The following GCFC2 variants were observed in gnomAD, a reference collection of about 807,000 sequenced individuals.
GCFC2 encodes GC-rich sequence DNA-binding factor 2.
Under a neutral mutation model 99.4 loss-of-function variants are expected in GCFC2, and 102 were observed. The ratio of observed to expected loss-of-function variants is 1.03; its 90% CI spans 0.87 to 1.21. The LOEUF is 1.21. GCFC2 is among the 50% of genes most tolerant of loss of function. GCFC2 has a pLI of 0.00. For missense variants in GCFC2, 973 were observed against 920.9 expected (o/e 1.06, Z -0.73); for synonymous variants, 338 against 316.8 (o/e 1.07, Z -0.71).
chr2:75,689,349 A>G (rs974137087), intron 9 of GCFC2, 124 bp from the exon 10 acceptor site: 1 of 559,084 alleles, frequency 1.8e-6, no homozygotes, highest in Non-Finnish European at 3.1e-6. Context: ...TATTAATATA[A>G]ATTTTTATTA....
At chr2:75,706,752 T>A in intron 1 of GCFC2, 101 bp from the exon 2 acceptor site, 1 of 692,418 alleles carries the variant, frequency 1.4e-6, no homozygotes, top group Non-Finnish European at 2.3e-6. Flanking sequence ...TACGGTGTTT[T>A]AATCCTAGTC....
chr2:75,683,149 C>A (rs1187663742), intron 11 of GCFC2, among the ~76,000 whole-genome samples: 1 of 151,748 alleles, frequency 6.6e-6, no homozygotes, highest in Non-Finnish European at 1.5e-5. Context: ...TTGTCAGATT[C>A]ACCAAGGTTG....
At chr2:75,680,083 C>T (rs1266861064) in intron 12 of GCFC2, 110 bp downstream of exon 12, 7 of 713,192 alleles carry the variant, frequency 9.8e-6, no homozygotes, top group South Asian at 8.1e-5. Context: ...TGTTTTCCCC[C>T]AAACAGTTTT....
At position 75,685,564 on chromosome 2, in the gene GCFC2, G is replaced by C. The variant is rs527618020; in HGVS notation, c.1690+2263C>G. On this transcript the variant is annotated intron_variant, in intron 11 of 16. Transcript: ENST00000321027. ...TCTTAGTTTCCTGCCCACCTCTCTGGTCTTTGCTGTCTGCTTGTCATCTCT... is the reference window on the plus strand; with the variant it reads ...TCTTAGTTTCCTGCCCACCTCTCTGCTCTTTGCTGTCTGCTTGTCATCTCT... 1.9e-4 allele frequency among the ~76,000 whole-genome samples: 29 copies of C among 151,916 alleles called. 1 individual carries two copies. The highest frequency in any genetic ancestry group is 5.2e-4 in the Admixed American group (8 of 15,248).
chr2:75,695,343 G>T (rs764914259), intron 5 of GCFC2, among the ~76,000 whole-genome samples: 5 of 152,024 alleles, frequency 3.3e-5, no homozygotes, highest in Non-Finnish European at 5.9e-5. Context: ...AAGACGACTT[G>T]CTGACTCCTG....
intron 2 of GCFC2, among the ~76,000 whole-genome samples, chr2:75,705,616 C>CAAAAAAA (rs34447327): frequency 1.3e-3 from 113 of 84,002 alleles, no homozygotes; most frequent in South Asian, 2.0e-3. Context: ...GACTCCATCT[C>CAAAAAAA]AAAAAAAAAA....
Position 75,710,621 on chromosome 2 carries a change from TGG to T in GCFC2, c.233_234del (p.Thr78LysfsTer16). ...GRVWASSRRATKAAPRADEGS... is the reference protein window; with the variant it reads ...GRVWASSRRAXKAAPRADEGS... ...CCTTCGTCCGCGCGGGGAGCCGCTT[TGG>T]TGGCACGCCGGGAGCTCGCCCAGAC... On this transcript the variant is annotated frameshift_variant, in exon 1 of 17. Coordinates refer to ENST00000321027, the MANE Select transcript of GCFC2 (RefSeq NM_003203.5). LOFTEE classifies it high-confidence loss of function. The T allele has an allele frequency of 6.6e-7, 1 of 1,515,044 alleles. No homozygotes were observed. The highest frequency in any genetic ancestry group is 8.8e-7 in the Non-Finnish European group (1 of 1,138,528). 93.9% of individuals were successfully genotyped at this position (1,515,044 alleles called of 1,614,324 possible). A position where few individuals can be genotyped will look rare whatever the true frequency, so the allele number is the denominator to read the frequency against.
Position 75,687,917 on chromosome 2 carries a change from T to C in GCFC2, c.1600A>G (p.Ser534Gly). 6.3e-7 allele frequency: 1 copy of C among 1,597,644 alleles called. No homozygotes were observed. Among genetic ancestry groups the C allele is most frequent in the East Asian group, 2.2e-5 (1 of 44,726 alleles). Residue 534 changes from serine to glycine, a missense_variant, in exon 11 of 17, where the codon AGC becomes GGC. Physicochemically the swap from Ser to Gly is moderately conservative, Grantham distance 56. Transcript: ENST00000321027. ...WFKSVEEFMD[S>G]SVEDSKKESS... ...TCCTTCTTTGAATCTTCCACACTGC[T>C]ATCCATAAATTCTTCTACAGATTTG...
rs530564605 is a variant in GCFC2 at position 75,665,151 on chromosome 2, AT to A, written c.2229-369del. ...GACATTAGCAAATAATACAAATCTG[AT>A]TTTTTTTTTTTTTAAAGGGACTTGG... On this transcript the variant is annotated intron_variant, in intron 16 of 16. Coordinates refer to ENST00000321027, the MANE Select transcript of GCFC2 (RefSeq NM_003203.5). Among the ~76,000 whole-genome samples the A allele has an allele frequency of 5.5e-3, 791 of 144,066 alleles. 4 individuals are homozygous for A. Among genetic ancestry groups the A allele is most frequent in the African/African-American group, 0.014 (550 of 39,572 alleles). The allele number at this position is 144,066 out of a possible 152,430, so 94.5% of individuals were successfully genotyped here.
At chr2:75,700,667 A>G (rs1680545224) in intron 4 of GCFC2, among the ~76,000 whole-genome samples, 1 of 152,214 alleles carries the variant, frequency 6.6e-6, no homozygotes, top group African/African-American at 2.4e-5. Context: ...AAAAAATAGT[A>G]CCCTCAAGTG....
chr2:75,689,859 T>C, intron 9 of GCFC2, 110 bp downstream of exon 9: 2 of 623,224 alleles, frequency 3.2e-6, no homozygotes, highest in Non-Finnish European at 2.8e-6. Context: ...TTTCCTGAAT[T>C]TACCCAACTG....
At position 75,710,599 on chromosome 2, in the gene GCFC2, T is replaced by C. The variant is rs1355730526; in HGVS notation, c.257A>G (p.Glu86Gly). The C allele has an allele frequency of 6.6e-7, 1 of 1,514,338 alleles. No individual in the cohort carries two copies. The highest frequency in any genetic ancestry group is 8.8e-7 in the Non-Finnish European group (1 of 1,138,348). 93.8% of individuals were successfully genotyped at this position (1,514,338 alleles called of 1,614,324 possible). A position where few individuals can be genotyped will look rare whatever the true frequency, so the allele number is the denominator to read the frequency against. ...RATKAAPRAD[E>G]GSESRTLDVS... The stretch of plus-strand genomic sequence containing the variant: ...CGCGTCTCCCTGGACACCTGAGCCT[T>C]CGTCCGCGCGGGGAGCCGCTTTGGT... Residue 86 changes from glutamate to glycine, a missense_variant, in exon 1 of 17, where the codon GAA (glutamate) becomes GGA (glycine). Glu to Gly is a moderately conservative substitution (Grantham distance 98). Coordinates refer to ENST00000321027, the MANE Select transcript of GCFC2 (RefSeq NM_003203.5).
intron 12 of GCFC2, among the ~76,000 whole-genome samples, chr2:75,675,934 T>C (rs764043272): frequency 6.6e-6 from 1 of 152,112 alleles, no homozygotes; most frequent in Middle Eastern, 3.2e-3. Flanking sequence ...TGTGTATATA[T>C]ATATACTTTG....
chr2:75,695,729 G>T (rs1162626632), intron 5 of GCFC2, among the ~76,000 whole-genome samples: 1 of 152,048 alleles, frequency 6.6e-6, no homozygotes, highest in East Asian at 1.9e-4. Flanking sequence ...TAAAATAAGG[G>T]TTACCTGAAC....
In GCFC2 at chr2:75,691,977, G is replaced by C. The variant is rs191095173; in HGVS notation, c.1144C>G (p.Arg382Gly). The change falls in exon 7 of 17, where the codon CGC (arginine) becomes GGC (glycine). Residue 382 changes from arginine to glycine, a missense_variant and splice_region_variant. Arg to Gly is a moderately radical substitution (Grantham distance 125). Coordinates refer to ENST00000321027, the MANE Select transcript of GCFC2 (RefSeq NM_003203.5). Reference protein sequence around the residue: ...HESTYLQQLSRKDETSTSGNF... With the variant: ...HESTYLQQLSGKDETSTSGNF... Reference sequence around the variant, plus strand: ...TGTATGGAACACGAAAAACACTAACGTGATAACTGTTGTAAATACGTTGAT... The same window carrying C: ...TGTATGGAACACGAAAAACACTAACCTGATAACTGTTGTAAATACGTTGAT... 80 of 1,492,706 alleles carry C rather than the reference G, an allele frequency of 5.4e-5. No individual in the cohort carries two copies. Among genetic ancestry groups the C allele is most frequent in the Non-Finnish European group, 7.0e-5 (78 of 1,107,280 alleles). 92.5% of individuals were successfully genotyped at this position (1,492,706 alleles called of 1,614,324 possible).
At position 75,671,954 on chromosome 2, in the gene GCFC2, A is replaced by G. The variant is rs1679107560; in HGVS notation, c.1952T>C (p.Leu651Pro). The G allele has an allele frequency of 6.4e-7, 1 of 1,564,174 alleles. No homozygotes were observed. The change falls in exon 14 of 17, where the codon CTA becomes CCA. Residue 651 changes from leucine (L) to proline (P), a missense_variant. Coordinates refer to ENST00000321027, the MANE Select transcript of GCFC2 (RefSeq NM_003203.5). The part of the protein sequence containing the change: ...KFQERQFWSG[L>P]KLFRNILLWN... ...ATTTTTGCAGTTTTTGCTCACCTTTAGGCCTGACCAGAACTGTCTTTCTTG... is the reference window on the plus strand; with the variant it reads ...ATTTTTGCAGTTTTTGCTCACCTTTGGGCCTGACCAGAACTGTCTTTCTTG...
chr2:75,681,148 G>A (rs543390546), intron 11 of GCFC2, among the ~76,000 whole-genome samples: 112 of 152,236 alleles, frequency 7.4e-4, no homozygotes, highest in African/African-American at 2.6e-3. Context: ...CAAGATGGCC[G>A]AATAGGAACA....
intron 8 of GCFC2, 98 bp downstream of exon 8, chr2:75,690,540 C>T (rs1045252130): frequency 1.2e-5 from 9 of 721,030 alleles, no homozygotes; most frequent in Non-Finnish European, 1.9e-5. Flanking sequence ...TAATGTATAT[C>T]AGGTATAGTT....
intron 13 of GCFC2, 136 bp downstream of exon 13, chr2:75,673,308 A>G: frequency 1.6e-6 from 1 of 622,270 alleles, no homozygotes; most frequent in East Asian, 2.9e-5. Context: ...ACTCAGTCTC[A>G]AAAGAAAAAA....
Sources: allele counts gnomAD v4.1 joint callset (sites outside exome capture counted in the v4.1 genomes callset), GRCh38; gene constraint gnomAD v4.1.1; transcripts MANE v1.5; gene names NCBI Gene and HGNC (gene_info 2026-07-23, HGNC 2026-07-21).